HCRTR2: variants seen among roughly 807,000 people sequenced by gnomAD.
HCRTR2 encodes orexin receptor type 2.
Under a neutral mutation model 49.0 loss-of-function variants are expected in HCRTR2, and 22 were observed. That is an observed-to-expected ratio of 0.45 (90% CI 0.32 to 0.64). The LOEUF is 0.64. HCRTR2 is among the 30% of genes least tolerant of loss of function. The probability of loss-of-function intolerance (pLI) is 0.04; values close to 1 mark genes in which losing one functional copy is unlikely to be tolerated. For synonymous variants in HCRTR2, 236 were observed against 205.3 expected (o/e 1.15, Z -1.28); for missense variants, 491 against 559.4 (o/e 0.88, Z 1.23).
chr6:55,143,022 A>G (rs1300225879), intron 1 of HCRTR2, among the ~76,000 whole-genome samples: 1 of 151,782 alleles, frequency 6.6e-6, no homozygotes, highest in Non-Finnish European at 1.5e-5. Flanking sequence ...ACAGACAGAT[A>G]GAACAGCCTG....
At chr6:55,226,711 GTTTTTTTTTTTT>G (rs777871106) in intron 1 of HCRTR2, among the ~76,000 whole-genome samples, 1 of 74,254 alleles carries the variant, frequency 1.3e-5, no homozygotes, top group African/African-American at 6.0e-5. Context: ...AATTCCAGGT[GTTTTTTTTTTTT>G]TTTTTTTTTT....
chr6:55,233,205 C>G (rs1487271663), intron 1 of HCRTR2, among the ~76,000 whole-genome samples: 1 of 151,828 alleles, frequency 6.6e-6, no homozygotes, highest in Non-Finnish European at 1.5e-5. Flanking sequence ...TCTCCTGCCT[C>G]GGCATCCCGA....
chr6:55,162,681 C>T lies in HCRTR2; in HGVS notation c.-377-11530C>T, dbSNP rs573166624. Among the ~76,000 whole-genome samples, 11 of 152,246 alleles carry T rather than the reference C, an allele frequency of 7.2e-5. No individual in the cohort carries two copies. In the East Asian group the frequency reaches 1.9e-3, roughly 27 times the overall value. On this transcript the variant is annotated intron_variant, in intron 1 of 7. Coordinates refer to the HCRTR2 transcript ENST00000615358. ...CAATGTGCAAAAATCACAAGCATTT[C>T]TATACACTAATAATAGACAAACAGA... is the stretch of plus-strand genomic sequence containing the variant.
At position 55,207,232 on chromosome 6, in the gene HCRTR2, A is replaced by G. The variant is rs78653258; in HGVS notation, c.223+32422A>G. Among the ~76,000 whole-genome samples, 1,146 of 152,212 alleles carry G rather than the reference A, an allele frequency of 7.5e-3. 23 individuals carry two copies. Among genetic ancestry groups the G allele is most frequent in the African/African-American group, 0.026 (1,088 of 41,568 alleles). The stretch of plus-strand genomic sequence containing the variant: ...ATAAATTGTTACATTTCACTAATAC[A>G]ATAAGGAAAATTTATTTTACCTGAG... On this transcript the variant is annotated intron_variant, in intron 1 of 6. Transcript: ENST00000370862.
rs1037631866 is a variant in HCRTR2 at position 55,280,360 on chromosome 6, A to G, written c.1021A>G (p.Thr341Ala). ...GMFAHTEDRE[T>A]VYAWFTFSHW... ...GTTTGCCCATACTGAAGACAGAGAG[A>G]CTGTGTATGCCTGGTTTACCTTTTC... The change falls in exon 6 of 7, where the codon ACT (threonine) becomes GCT (alanine). Residue 341 changes from threonine to alanine, a missense_variant. Thr to Ala is a moderately conservative substitution (Grantham distance 58). Transcript: ENST00000370862. The G allele has an allele frequency of 2.5e-6, 4 of 1,611,854 alleles. No homozygotes were observed. The highest frequency in any genetic ancestry group is 1.3e-5 in the African/African-American group (1 of 74,822).
chr6:55,166,714 G>A (rs1404185607), intron 1 of HCRTR2, among the ~76,000 whole-genome samples: 1 of 152,016 alleles, frequency 6.6e-6, no homozygotes, highest in Non-Finnish European at 1.5e-5. Context: ...GCACCCAAGA[G>A]CATTGAAAAC....
intron 1 of HCRTR2, among the ~76,000 whole-genome samples, chr6:55,148,177 A>G (rs1325828076): frequency 6.6e-6 from 1 of 152,032 alleles, no homozygotes; most frequent in Non-Finnish European, 1.5e-5. Context: ...ATGGCAGCAA[A>G]GGGCAAAATT....
chr6:55,274,355 G>GAAATATATATACTTATATATATATTT (rs1554183730), intron 4 of HCRTR2, among the ~76,000 whole-genome samples: 1 of 29,420 alleles, frequency 3.4e-5, no homozygotes, highest in Non-Finnish European at 8.6e-5. Context: ...TTTATGAAAT[G>GAAATATATATACTTATATATATATTT]TATGCCTAAA....
At chr6:55,143,475 T>G (rs1436115733) in intron 1 of HCRTR2, among the ~76,000 whole-genome samples, 3 of 152,240 alleles carry the variant, frequency 2.0e-5, no homozygotes, top group Non-Finnish European at 4.4e-5. Context: ...TAAAAGAGGA[T>G]TTGCCTAAGA....
chr6:55,247,217 A>G lies in HCRTR2; in HGVS notation c.224-1422A>G, dbSNP rs762950925. Reference sequence around the variant, plus strand: ...CTCAATGGCATAATTTTCAAATAATAAAGACTACAGTTACCCTGATTAAGG... The same window carrying G: ...CTCAATGGCATAATTTTCAAATAATGAAGACTACAGTTACCCTGATTAAGG... On this transcript the variant is annotated intron_variant, in intron 1 of 6. Coordinates refer to ENST00000370862, the MANE Select transcript of HCRTR2 (RefSeq NM_001384272.1). Among the ~76,000 whole-genome samples the G allele has an allele frequency of 2.6e-4, 39 of 152,184 alleles. 1 individual carries two copies. Among genetic ancestry groups the G allele is most frequent in the Admixed American group, 5.9e-4 (9 of 15,252 alleles).
chr6:55,112,110 C>T (rs770390026), intron 1 of HCRTR2, among the ~76,000 whole-genome samples: 23 of 151,770 alleles, frequency 1.5e-4, no homozygotes, highest in Non-Finnish European at 2.8e-4. Flanking sequence ...ATGATTAAAA[C>T]CCTCAACAAA....
chr6:55,116,724 A>AAAAAC lies in HCRTR2; in HGVS notation c.-378+10180_-378+10184dup, dbSNP rs1554165906. Among the ~76,000 whole-genome samples the AAAAAC allele has an allele frequency of 1.0e-3, 149 of 144,230 alleles. 1 individual carries two copies. Among genetic ancestry groups the AAAAAC allele is most frequent in the African/African-American group, 2.1e-3 (84 of 39,728 alleles). The allele number at this position is 144,230 out of a possible 152,430, so 94.6% of individuals were successfully genotyped here. ...ACTGTAAAGAGAGAGAGAAAAAAAA[A>AAAAAC]AAAACTCTTATTCCAGTGGCAACAG... On this transcript the variant is annotated intron_variant, in intron 1 of 7. Transcript: ENST00000615358.
rs1002717756 is a variant in HCRTR2 at position 55,281,556 on chromosome 6, G to A, written c.1106-669G>A. Reference sequence around the variant, plus strand: ...CATTTAATCACTGATAACTCAGTGCGTAGCTGAGGCTAAGAGAGAAGAAAT... The same window carrying A: ...CATTTAATCACTGATAACTCAGTGCATAGCTGAGGCTAAGAGAGAAGAAAT... On this transcript the variant is annotated intron_variant, in intron 6 of 6. Coordinates refer to ENST00000370862, the MANE Select transcript of HCRTR2 (RefSeq NM_001384272.1). 5.3e-5 allele frequency among the ~76,000 whole-genome samples: 8 copies of A among 152,182 alleles called. No homozygotes were observed. The East Asian group carries it at 9.6e-4, about 18-fold the overall frequency.
intron 1 of HCRTR2, among the ~76,000 whole-genome samples, chr6:55,228,934 G>A (rs1766061524): frequency 6.6e-6 from 1 of 151,988 alleles, no homozygotes; most frequent in Admixed American, 6.6e-5. Flanking sequence ...GTGAATTCAG[G>A]AACAAACTTT....
At chr6:55,271,229 G>T (rs1311158980) in intron 4 of HCRTR2, among the ~76,000 whole-genome samples, 2 of 152,104 alleles carry the variant, frequency 1.3e-5, no homozygotes, top group African/African-American at 4.8e-5. Context: ...TCATGGTCCA[G>T]AAATAAACTC....
chr6:55,194,048 C>A (rs539344580), intron 1 of HCRTR2, among the ~76,000 whole-genome samples: 52 of 151,868 alleles, frequency 3.4e-4, no homozygotes, highest in Non-Finnish European at 5.7e-4. Flanking sequence ...GTCTGAATTC[C>A]CATTCTTTCC....
chr6:55,263,977 G>A (rs1172118477), intron 4 of HCRTR2, 155 bp downstream of exon 4: 2 of 649,484 alleles, frequency 3.1e-6, no homozygotes, highest in East Asian at 2.8e-5. Context: ...GTTCATAAAA[G>A]TATTATATTG....
Position 55,159,265 on chromosome 6 carries a change from C to A in HCRTR2, c.-377-14946C>A, listed in dbSNP as rs1470298549. Among the ~76,000 whole-genome samples, 7 of 96,466 alleles carry A rather than the reference C, an allele frequency of 7.3e-5. 1 individual carries two copies. In the South Asian group the frequency reaches 2.2e-3, roughly 30 times the overall value. The allele number at this position is 96,466 out of a possible 152,430, so 63.3% of individuals were successfully genotyped here. A position where few individuals can be genotyped will look rare whatever the true frequency, so the allele number is the denominator to read the frequency against. On this transcript the variant is annotated intron_variant, in intron 1 of 7. Coordinates refer to the HCRTR2 transcript ENST00000615358. ...AAACAGAAAGGAATAGCATCAACAT[C>A]AAAAAAACAAAAACAAAAACAAAAA...
chr6:55,113,361 A>C (rs767696748), intron 1 of HCRTR2, among the ~76,000 whole-genome samples: 2 of 152,098 alleles, frequency 1.3e-5, no homozygotes, highest in Non-Finnish European at 2.9e-5. Context: ...AGTGGGAGAA[A>C]ATCTTCACAA....
Sources: allele counts gnomAD v4.1 joint callset (sites outside exome capture counted in the v4.1 genomes callset), GRCh38; gene constraint gnomAD v4.1.1; transcripts MANE v1.5; gene names NCBI Gene and HGNC (gene_info 2026-07-23, HGNC 2026-07-21).